FCGR1A: variants seen among roughly 807,000 people sequenced by gnomAD.
The protein encoded by FCGR1A is Fc gamma receptor Ia.
In FCGR1A, 13 loss-of-function variants were observed where a neutral mutation model predicts 35.0. The observed-to-expected ratio is 0.37, with a 90% confidence interval of 0.24 to 0.59. FCGR1A has a LOEUF of 0.59. FCGR1A is among the 20% of genes least tolerant of loss of function. The probability of loss-of-function intolerance (pLI) is 0.71; values close to 1 mark genes in which losing one functional copy is unlikely to be tolerated. For synonymous variants in FCGR1A, 91 were observed against 164.7 expected (o/e 0.55, Z 3.43); for missense variants, 227 against 430.0 (o/e 0.53, Z 4.17).
the FCGR1A span, among the ~76,000 whole-genome samples, chr1:149,799,659 T>A: frequency 6.6e-6 from 1 of 152,196 alleles, no homozygotes; most frequent in Non-Finnish European, 1.5e-5. Context: ...TTTTCAATTC[T>A]CCCCTCCTCT....
At chr1:149,793,387 GC>G (rs2091761681), downstream of FCGR1A, among the ~76,000 whole-genome samples, 2 of 151,964 alleles carry the variant, frequency 1.3e-5, no homozygotes, top group Non-Finnish European at 2.9e-5. Context: ...GGGCAAGAAG[GC>G]TCCAGGCTCC....
chr1:149,797,605 G>A, the FCGR1A span, among the ~76,000 whole-genome samples: 16 of 152,060 alleles, frequency 1.1e-4, no homozygotes, highest in Non-Finnish European at 2.1e-4. Flanking sequence ...CTTTGTTAGC[G>A]TTTGAGTTAA....
chr1:149,788,679 T>G, intron 4 of FCGR1A, 62 bp downstream of exon 4: 3 of 1,563,100 alleles, frequency 1.9e-6, no homozygotes, highest in Non-Finnish European at 2.6e-6. Flanking sequence ...ATCATAAATA[T>G]TCTAAACTCC....
chr1:149,800,470 T>G, the FCGR1A span, among the ~76,000 whole-genome samples: 1 of 144,264 alleles, frequency 6.9e-6, no homozygotes, highest in Non-Finnish European at 1.5e-5. Context: ...CCAGCCCCCA[T>G]CCTGAAGCTA....
chr1:149,792,656 T>C (rs587603635), downstream of FCGR1A: 2,297 of 1,276,740 alleles, frequency 1.8e-3, 105 homozygotes, highest in Non-Finnish European at 1.0e-3. Context: ...CGCCTGTATC[T>C]GGGGGCCGCA....
chr1:149,799,071 A>AT, the FCGR1A span, among the ~76,000 whole-genome samples: 1 of 141,974 alleles, frequency 7.0e-6, no homozygotes, highest in African/African-American at 2.7e-5. Context: ...ATTTTCTAGA[A>AT]TCTAAATTCA....
chr1:149,793,518 T>C (rs1170117198), downstream of FCGR1A, among the ~76,000 whole-genome samples: 1 of 152,128 alleles, frequency 6.6e-6, no homozygotes, highest in Admixed American at 6.5e-5. Context: ...AGGGATCTGA[T>C]GCAGCTGGCG....
chr1:149,790,446 C>G (rs1449169885), intron 5 of FCGR1A, 108 bp downstream of exon 5: 14 of 1,533,992 alleles, frequency 9.1e-6, no homozygotes, highest in Non-Finnish European at 1.1e-5. Flanking sequence ...AGGGGAAAGT[C>G]TCTTCAGGAA....
chr1:149,798,909 G>A, the FCGR1A span, among the ~76,000 whole-genome samples: 1 of 151,402 alleles, frequency 6.6e-6, no homozygotes, highest in Non-Finnish European at 1.5e-5. Flanking sequence ...CACCATGTAA[G>A]CCCACATTTT....
At chr1:149,799,604 A>G in the FCGR1A span, among the ~76,000 whole-genome samples, 7 of 152,224 alleles carry the variant, frequency 4.6e-5, no homozygotes, top group African/African-American at 1.7e-4. Flanking sequence ...GCAGTGCACA[A>G]TCAGCAAATC....
chr1:149,799,801 C>A, the FCGR1A span, among the ~76,000 whole-genome samples: 1 of 152,222 alleles, frequency 6.6e-6, no homozygotes, highest in African/African-American at 2.4e-5. Context: ...TCTTGATCAT[C>A]ATGAGGACGG....
rs782120618 is a variant in FCGR1A, at chr1:149,784,086, C to G, written c.136C>G (p.Leu46Val). The G allele has an allele frequency of 3.7e-6, 6 of 1,611,400 alleles. No individual in the cohort carries two copies. In the South Asian group the frequency reaches 6.6e-5, roughly 18 times the overall value. Residue 46 changes from leucine (L) to valine (V), a missense_variant, in exon 3 of 6, where the codon CTC becomes GTC. This residue lies in a region of FCGR1A where 185 missense variants were observed against 306.6 expected (regional missense o/e 0.60). Transcript: ENST00000369168. ...AACCGTAACCTTGCACTGTGAGGTGCTCCATCTGCCTGGGAGCAGCTCTAC... is the reference window on the plus strand; with the variant it reads ...AACCGTAACCTTGCACTGTGAGGTGGTCCATCTGCCTGGGAGCAGCTCTAC... ...EETVTLHCEV[L>V]HLPGSSSTQW...
intron 5 of FCGR1A, among the ~76,000 whole-genome samples, chr1:149,790,636 A>T (rs113151607): frequency 3.4e-5 from 3 of 88,820 alleles, no homozygotes; most frequent in East Asian, 2.9e-4. Context: ...CCTCCCTCCC[A>T]CTCTTCCCTC....
intron 4 of FCGR1A, among the ~76,000 whole-genome samples, chr1:149,789,056 G>A (rs1254780016): frequency 2.0e-5 from 3 of 151,700 alleles, no homozygotes; most frequent in Non-Finnish European, 4.4e-5. Context: ...AGCCTCTGTG[G>A]TGCCACTTCT....
rs587760613 is a variant in FCGR1A at position 149,791,513 on chromosome 1, C to T, written c.1121C>T (p.Thr374Met). 8 of 1,610,206 alleles carry T rather than the reference C, an allele frequency of 5.0e-6. No individual in the cohort carries two copies. The highest frequency in any genetic ancestry group is 6.8e-6 in the Non-Finnish European group (8 of 1,179,492). The change falls in exon 6 of 6, where the codon ACG (threonine) becomes ATG (methionine). Residue 374 changes from threonine to methionine, a missense_variant. Thr to Met is a moderately conservative substitution (Grantham distance 81). Around this residue, in one of 3 missense-constraint regions of FCGR1A, gnomAD observed 39 missense variants for 101.3 expected, o/e 0.38. Transcript: ENST00000369168. ...CACCGGAAGGAGCCCCAGGGGGCCA[C>T]GTAGCAGCGGCTCAGTGGGTGGCCA... is the stretch of plus-strand genomic sequence containing the variant. ...GVHRKEPQGAT is the reference protein window; with the variant it reads ...GVHRKEPQGAM
downstream of FCGR1A, chr1:149,793,824 G>A: frequency 8.3e-7 from 1 of 1,199,090 alleles, no homozygotes; most frequent in Non-Finnish European, 1.1e-6. Context: ...AACACTCAGA[G>A]GTTCCTAGCC....
At chr1:149,790,810 A>G (rs1389334642) in intron 5 of FCGR1A, among the ~76,000 whole-genome samples, 12 of 151,258 alleles carry the variant, frequency 7.9e-5, no homozygotes, top group Admixed American at 7.9e-4. Flanking sequence ...GGAGCTCACA[A>G]GGTGGATTTA....
chr1:149,796,507 A>G (rs1553752804), downstream of FCGR1A, among the ~76,000 whole-genome samples: 37 of 152,356 alleles, frequency 2.4e-4, no homozygotes, highest in Non-Finnish European at 1.5e-5. Flanking sequence ...TACTTCGAAG[A>G]GGAGAAATGA....
chr1:149,793,001 C>G (rs1238794649), downstream of FCGR1A: 1 of 1,273,494 alleles, frequency 7.9e-7, no homozygotes, highest in Non-Finnish European at 1.0e-6. Context: ...AGGCGCGTAG[C>G]TGAGTCCCTC....
Sources: allele counts gnomAD v4.1 joint callset (sites outside exome capture counted in the v4.1 genomes callset), GRCh38; gene constraint gnomAD v4.1.1; regional missense constraint gnomAD v4.1.1; transcripts MANE v1.5; gene names NCBI Gene and HGNC (gene_info 2026-07-23, HGNC 2026-07-21).